The following PDE3A variants were observed in gnomAD, a reference collection of about 807,000 sequenced individuals.
The protein encoded by PDE3A is phosphodiesterase 3A.
A neutral mutation model predicts 98.3 loss-of-function variants in PDE3A; 43 were observed. The observed-to-expected ratio is 0.44, with a 90% CI of 0.34 to 0.56. The LOEUF (loss-of-function observed/expected upper bound fraction) is 0.56, where lower values mean the gene tolerates loss of function less well. PDE3A is among the 20% of genes least tolerant of loss of function. PDE3A has a pLI of 0.01. For missense variants in PDE3A, 1,427 were observed against 1,440.7 expected (o/e 0.99, Z 0.15); for synonymous variants, 663 against 567.9 (o/e 1.17, Z -2.38).
intron 1 of PDE3A, among the ~76,000 whole-genome samples, chr12:20,534,837 G>A (rs1194244858): frequency 6.6e-6 from 1 of 152,148 alleles, no homozygotes; most frequent in Non-Finnish European, 1.5e-5. Context: ...CAAAAACAAA[G>A]ATGATATCAT....
intron 1 of PDE3A, among the ~76,000 whole-genome samples, chr12:20,404,420 T>TA (rs140153895): frequency 0.017 from 2,611 of 152,224 alleles, 32 homozygotes; most frequent in Non-Finnish European, 0.026. Flanking sequence ...TACTGTAGGT[T>TA]AAAAAAGAAA....
intron 15 of PDE3A, among the ~76,000 whole-genome samples, chr12:20,671,974 C>T (rs1416799716): frequency 2.0e-5 from 3 of 148,030 alleles, no homozygotes; most frequent in Non-Finnish European, 4.5e-5. Flanking sequence ...CCAAAATCTC[C>T]TTAAGCTGAT....
chr12:20,423,023 A>G (rs180709321), intron 1 of PDE3A, among the ~76,000 whole-genome samples: 161 of 152,318 alleles, frequency 1.1e-3, no homozygotes, highest in African/African-American at 3.8e-3. Flanking sequence ...TGTATAGCCA[A>G]TGAAGCCTGG....
intron 9 of PDE3A, among the ~76,000 whole-genome samples, chr12:20,638,662 A>G (rs1944574181): frequency 6.6e-6 from 1 of 152,126 alleles, no homozygotes; most frequent in African/African-American, 2.4e-5. Flanking sequence ...TGAGGGAGTG[A>G]TCTTTCCTGC....
At chr12:20,379,553 G>A (rs971187580) in intron 1 of PDE3A, among the ~76,000 whole-genome samples, 2 of 151,764 alleles carry the variant, frequency 1.3e-5, no homozygotes, top group African/African-American at 4.8e-5. Context: ...TCAGCCATAA[G>A]CATTTCATTT....
At chr12:20,496,056 T>G (rs183242670) in intron 1 of PDE3A, among the ~76,000 whole-genome samples, 4 of 152,324 alleles carry the variant, frequency 2.6e-5, no homozygotes, top group Admixed American at 2.6e-4. Flanking sequence ...GTACTCTTAA[T>G]GTCAGTACAA....
chr12:20,417,879 C>T (rs916838652), intron 1 of PDE3A, among the ~76,000 whole-genome samples: 5 of 152,144 alleles, frequency 3.3e-5, no homozygotes, highest in African/African-American at 1.2e-4. Flanking sequence ...GTGCCTGGCA[C>T]ATAAATGTTA....
intron 3 of PDE3A, among the ~76,000 whole-genome samples, chr12:20,615,006 T>C (rs7963986): frequency 0.081 from 10,549 of 130,490 alleles, 601 homozygotes; most frequent in African/African-American, 0.12. Flanking sequence ...TTTTCTTTCT[T>C]TCTCTCTTTC....
At chr12:20,442,731 TA>T (rs1181225647) in intron 1 of PDE3A, among the ~76,000 whole-genome samples, 2 of 152,224 alleles carry the variant, frequency 1.3e-5, no homozygotes, top group African/African-American at 4.8e-5. Context: ...AAGTGAAAAC[TA>T]AAACAATCCT....
chr12:20,542,781 A>G (rs1256258889), intron 1 of PDE3A, among the ~76,000 whole-genome samples: 1 of 152,136 alleles, frequency 6.6e-6, no homozygotes, highest in Admixed American at 6.6e-5. Flanking sequence ...AATTTTATAG[A>G]TTAGTCTCCT....
At chr12:20,609,581 C>A (rs961964874) in intron 2 of PDE3A, among the ~76,000 whole-genome samples, 3 of 151,912 alleles carry the variant, frequency 2.0e-5, no homozygotes, top group East Asian at 3.9e-4. Context: ...CCACAAAAAA[C>A]CCCAAATAGC....
chr12:20,438,958 A>AT (rs945622622), intron 1 of PDE3A, among the ~76,000 whole-genome samples: 4 of 151,220 alleles, frequency 2.6e-5, no homozygotes, highest in African/African-American at 9.7e-5. Flanking sequence ...CGCCTGGCTA[A>AT]TTTTTTTTGT....
chr12:20,596,215 G>T (rs1248294680), intron 2 of PDE3A, among the ~76,000 whole-genome samples: 2 of 152,084 alleles, frequency 1.3e-5, no homozygotes, highest in Non-Finnish European at 2.9e-5. Flanking sequence ...ATCTATGACA[G>T]AAATCCTGAG....
intron 5 of PDE3A, among the ~76,000 whole-genome samples, chr12:20,623,684 A>G (rs1388422673): frequency 6.6e-6 from 1 of 150,826 alleles, no homozygotes; most frequent in Non-Finnish European, 1.5e-5. Context: ...GAAAGAATAT[A>G]TGATGGATAT....
At chr12:20,582,903 T>G (rs1943105245) in intron 2 of PDE3A, among the ~76,000 whole-genome samples, 1 of 152,292 alleles carries the variant, frequency 6.6e-6, no homozygotes, top group South Asian at 2.1e-4. Flanking sequence ...AAATAGTTAA[T>G]TTTAGAAATA....
intron 4 of PDE3A, among the ~76,000 whole-genome samples, chr12:20,618,744 A>C (rs933443378): frequency 6.6e-5 from 10 of 152,126 alleles, no homozygotes; most frequent in Non-Finnish European, 1.2e-4. Context: ...GCTTTAGAGA[A>C]ATAGGAAAAG....
chr12:20,516,703 G>T (rs1043759574), intron 1 of PDE3A, among the ~76,000 whole-genome samples: 31 of 152,244 alleles, frequency 2.0e-4, no homozygotes, highest in African/African-American at 7.5e-4. Flanking sequence ...GAACCATTAT[G>T]CTATGGCCTC....
intron 1 of PDE3A, among the ~76,000 whole-genome samples, chr12:20,496,476 C>G (rs1486837467): frequency 1.3e-5 from 2 of 151,952 alleles, no homozygotes; most frequent in East Asian, 3.9e-4. Flanking sequence ...CGTGACAGCT[C>G]TGATTCCTGA....
At chr12:20,632,252 A>G (rs1237234215) in intron 6 of PDE3A, among the ~76,000 whole-genome samples, 1 of 152,164 alleles carries the variant, frequency 6.6e-6, no homozygotes, top group African/African-American at 2.4e-5. Context: ...TTTTACAGGT[A>G]ACGTTTTTCT....
Sources: allele counts gnomAD v4.1 joint callset (sites outside exome capture counted in the v4.1 genomes callset), GRCh38; gene constraint gnomAD v4.1.1; transcripts MANE v1.5; gene names NCBI Gene and HGNC (gene_info 2026-07-23, HGNC 2026-07-21).